Variants in RGS7 observed in about 807,000 individuals in gnomAD.
RGS7 encodes the protein regulator of G protein signaling 7, also known as regulator of G-protein signaling 7.
Under a neutral mutation model 81.1 loss-of-function variants are expected in RGS7, and 27 were observed. That is an observed-to-expected ratio of 0.33 (90% CI 0.25 to 0.46). The LOEUF (loss-of-function observed/expected upper bound fraction) is 0.46. Ranked by LOEUF, RGS7 falls within the 20% of genes least tolerant of loss-of-function variation. RGS7 has a pLI of 1.00. For missense variants in RGS7, 396 were observed against 607.4 expected (o/e 0.65, Z 3.66); for synonymous variants, 208 against 207.7 (o/e 1.00, Z -0.01).
intron 6 of RGS7, chr1:240,920,456 A>C: frequency 3.7e-6 from 4 of 1,085,948 alleles, no homozygotes; most frequent in Non-Finnish European, 5.6e-6. Context: ...ACAACAATCA[A>C]TCTTCACATT....
At chr1:241,018,383 G>A (rs1198224009) in intron 3 of RGS7, among the ~76,000 whole-genome samples, 3 of 151,932 alleles carry the variant, frequency 2.0e-5, no homozygotes, top group Non-Finnish European at 4.4e-5. Flanking sequence ...AAGGGACTCA[G>A]GTAAATATAC....
At chr1:241,077,769 G>A (rs897061415) in intron 3 of RGS7, among the ~76,000 whole-genome samples, 7 of 152,126 alleles carry the variant, frequency 4.6e-5, no homozygotes, top group Admixed American at 1.3e-4. Flanking sequence ...TGAAAAAGAC[G>A]TTGCTTGTAA....
chr1:241,219,319 G>A (rs964582595), intron 2 of RGS7, among the ~76,000 whole-genome samples: 9 of 152,088 alleles, frequency 5.9e-5, no homozygotes, highest in Admixed American at 2.0e-4. Context: ...TTCCCTGCAC[G>A]AGCTCTCTCT....
At chr1:240,792,056 G>A (rs945790466) in intron 18 of RGS7, among the ~76,000 whole-genome samples, 2 of 152,058 alleles carry the variant, frequency 1.3e-5, no homozygotes, top group Admixed American at 6.6e-5. Flanking sequence ...CTACAATTTT[G>A]TACCATAATA....
At chr1:241,178,896 C>A (rs1431070421) in intron 2 of RGS7, among the ~76,000 whole-genome samples, 3 of 152,150 alleles carry the variant, frequency 2.0e-5, no homozygotes, top group Non-Finnish European at 4.4e-5. Flanking sequence ...TGATATGCAG[C>A]CAAACTGTGC....
chr1:240,995,708 C>CTTTTTTTTTTTTTTTTT (rs71172669), intron 3 of RGS7, among the ~76,000 whole-genome samples: 1 of 139,804 alleles, frequency 7.2e-6, no homozygotes, highest in Non-Finnish European at 1.5e-5. Flanking sequence ...TGTGTCTTTT[C>CTTTTTTTTTTTTTTTTT]TTTTTTTTTT....
At chr1:241,121,710 CTTTTTTTTT>C (rs10681773) in intron 2 of RGS7, among the ~76,000 whole-genome samples, 1 of 66,412 alleles carries the variant, frequency 1.5e-5, no homozygotes, top group Non-Finnish European at 2.7e-5. Context: ...TGCAATTGTT[CTTTTTTTTT>C]TTTTTTTTTT....
intron 2 of RGS7, among the ~76,000 whole-genome samples, chr1:241,244,656 CAT>C (rs900476915): frequency 5.9e-5 from 9 of 152,224 alleles, no homozygotes; most frequent in Admixed American, 1.3e-4. Flanking sequence ...CACACGCACA[CAT>C]ATGTTTATTG....
At chr1:240,832,929 C>T (rs911890776) in intron 9 of RGS7, among the ~76,000 whole-genome samples, 1 of 152,142 alleles carries the variant, frequency 6.6e-6, no homozygotes, top group Non-Finnish European at 1.5e-5. Context: ...CCCACCCCCA[C>T]AAAAGAGATG....
chr1:241,318,655 T>C (rs182967857), intron 2 of RGS7, among the ~76,000 whole-genome samples: 1 of 152,182 alleles, frequency 6.6e-6, no homozygotes, highest in African/African-American at 2.4e-5. Flanking sequence ...GTTGTATTTT[T>C]AGTAGAGACA....
At chr1:241,154,933 T>C (rs938315495) in intron 2 of RGS7, among the ~76,000 whole-genome samples, 1 of 152,024 alleles carries the variant, frequency 6.6e-6, no homozygotes, top group East Asian at 1.9e-4. Context: ...AGCCATTTTT[T>C]AAAAAAAGAA....
rs377299659 is a variant in RGS7 at position 240,779,285 on chromosome 1, T to C, written c.*7-3072A>G. Among the ~76,000 whole-genome samples the C allele has an allele frequency of 1.4e-4, 21 of 151,856 alleles. 2 individuals are homozygous for C. The highest frequency in any genetic ancestry group is 5.2e-4 in the Admixed American group (8 of 15,240). ...GATTCTCCTACCTCAGCCTCCTGAG[T>C]AGCTGGGATTACAGGCATGCACCAC... On this transcript the variant is annotated intron_variant, in intron 18 of 18. Transcript: ENST00000440928.
intron 2 of RGS7, among the ~76,000 whole-genome samples, chr1:241,343,261 C>A (rs1231702252): frequency 1.9e-3 from 261 of 136,634 alleles, no homozygotes; most frequent in South Asian, 2.7e-3. Flanking sequence ...GACTGTGTCT[C>A]AAAAAAAAAA....
At chr1:241,221,120 GGA>G (rs2074977627) in intron 2 of RGS7, among the ~76,000 whole-genome samples, 1 of 136,720 alleles carries the variant, frequency 7.3e-6, no homozygotes, top group African/African-American at 2.8e-5. Context: ...AGGAAGGGAG[GGA>G]AAGAAAGAAA....
chr1:241,313,584 T>C (rs574080273), intron 2 of RGS7, among the ~76,000 whole-genome samples: 1 of 152,350 alleles, frequency 6.6e-6, no homozygotes, highest in East Asian at 1.9e-4. Flanking sequence ...TAACACAACA[T>C]CTATTCTGCA....
chr1:241,133,249 A>C (rs1367612086), intron 2 of RGS7, among the ~76,000 whole-genome samples: 1 of 152,134 alleles, frequency 6.6e-6, no homozygotes, highest in Non-Finnish European at 1.5e-5. Flanking sequence ...AATTGAATAT[A>C]AACAGCAATA....
At chr1:240,878,489 C>CTTTTTTTTTTTTTTTTTTTTTTTTCTT (rs57896753) in intron 6 of RGS7, among the ~76,000 whole-genome samples, 1 of 117,580 alleles carries the variant, frequency 8.5e-6, no homozygotes, top group Non-Finnish European at 1.8e-5. Flanking sequence ...TTTTTTCTTT[C>CTTTTTTTTTTTTTTTTTTTTTTTTCTT]TTTTTTTTTT....
At chr1:241,145,542 C>T (rs1407980651) in intron 2 of RGS7, among the ~76,000 whole-genome samples, 1 of 152,140 alleles carries the variant, frequency 6.6e-6, no homozygotes, top group Non-Finnish European at 1.5e-5. Flanking sequence ...GTAATCCCAG[C>T]ACTTTGGGAG....
At chr1:241,125,162 G>A (rs1007431460) in intron 2 of RGS7, among the ~76,000 whole-genome samples, 1 of 152,072 alleles carries the variant, frequency 6.6e-6, no homozygotes. Context: ...GAGATTTGTG[G>A]TCATTCTTTT....
Sources: gnomAD v4.1 joint callset for allele counts (sites outside exome capture counted in the v4.1 genomes callset) on GRCh38, gnomAD v4.1.1 for gene constraint, MANE v1.5 for transcripts, NCBI Gene and HGNC (gene_info 2026-07-23, HGNC 2026-07-21) for gene names.